Variants in TRPM3 observed in about 807,000 individuals in gnomAD.
The protein encoded by TRPM3 is long transient receptor potential channel 3.
A neutral mutation model predicts 181.2 loss-of-function variants in TRPM3; 77 were observed. The ratio of observed to expected loss-of-function variants is 0.42; its 90% CI spans 0.35 to 0.51. The LOEUF (loss-of-function observed/expected upper bound fraction) is 0.51, where lower values mean the gene tolerates loss of function less well. Ranked by LOEUF, TRPM3 falls within the 20% of genes least tolerant of loss-of-function variation. The pLI is 0.01. For synonymous variants in TRPM3, 745 were observed against 796.4 expected, an observed-to-expected ratio of 0.94 and a Z score of 1.09; for missense variants, 1,759 against 2,196.7, an observed-to-expected ratio of 0.80 and a Z score of 3.98.
intron 1 of TRPM3, among the ~76,000 whole-genome samples, chr9:70,915,472 T>TA (rs372107482): frequency 0.026 from 3,863 of 151,152 alleles, 174 homozygotes; most frequent in African/African-American, 0.088. Context: ...TAATTTTTTT[T>TA]TTTTTTTTAT....
chr9:71,128,395 C>T (rs2074180070), intron 1 of TRPM3, among the ~76,000 whole-genome samples: 1 of 152,142 alleles, frequency 6.6e-6, no homozygotes, highest in African/African-American at 2.4e-5. Context: ...AGCCTTGAAA[C>T]CCTAAAATTT....
intron 1 of TRPM3, chr9:70,868,937 C>G (rs893958310): frequency 1.0e-6 from 1 of 955,802 alleles, no homozygotes; most frequent in Non-Finnish European, 1.2e-6. Context: ...GTCCCCAGAT[C>G]CAATATTGAG....
At chr9:70,694,445 A>G (rs1297809625) in intron 8 of TRPM3, among the ~76,000 whole-genome samples, 1 of 152,112 alleles carries the variant, frequency 6.6e-6, no homozygotes, top group Non-Finnish European at 1.5e-5. Context: ...AACAACATCC[A>G]TAGGAAGAGA....
chr9:71,310,994 T>C (rs577642013), intron 1 of TRPM3, among the ~76,000 whole-genome samples: 2 of 152,278 alleles, frequency 1.3e-5, no homozygotes, highest in East Asian at 3.9e-4. Context: ...CAGTCTTAAA[T>C]AGAACTCCTA....
intron 17 of TRPM3, among the ~76,000 whole-genome samples, chr9:70,618,528 C>T (rs1414142263): frequency 6.6e-6 from 1 of 152,202 alleles, no homozygotes; most frequent in Non-Finnish European, 1.5e-5. Flanking sequence ...GACAAGGTGG[C>T]CTAGGTGGGG....
intron 9 of TRPM3, among the ~76,000 whole-genome samples, chr9:70,646,479 A>G (rs1022000957): frequency 3.9e-5 from 6 of 152,154 alleles, no homozygotes; most frequent in African/African-American, 1.4e-4. Flanking sequence ...GCAGAAAACC[A>G]AACACTGAAT....
chr9:70,894,201 C>T (rs1325234502), intron 1 of TRPM3, among the ~76,000 whole-genome samples: 1 of 152,154 alleles, frequency 6.6e-6, no homozygotes, highest in Non-Finnish European at 1.5e-5. Context: ...GATACAAATG[C>T]AGTGAATATG....
intron 9 of TRPM3, among the ~76,000 whole-genome samples, chr9:70,680,686 C>T (rs1347375675): frequency 1.3e-5 from 2 of 152,286 alleles, no homozygotes; most frequent in East Asian, 3.9e-4. Context: ...TAACTCAGAA[C>T]CACATTCAAC....
At chr9:70,739,546 G>T (rs1400724210) in intron 8 of TRPM3, among the ~76,000 whole-genome samples, 2 of 151,720 alleles carry the variant, frequency 1.3e-5, no homozygotes, top group Non-Finnish European at 2.9e-5. Flanking sequence ...AAAGTTGAAA[G>T]CATTCCCCTG....
intron 1 of TRPM3, among the ~76,000 whole-genome samples, chr9:71,413,276 C>T (rs2093588917): frequency 6.6e-6 from 1 of 151,908 alleles, no homozygotes; most frequent in African/African-American, 2.4e-5. Flanking sequence ...ATTTATAACT[C>T]ATATTTATTG....
chr9:71,277,534 A>AT (rs1292814602), intron 1 of TRPM3, among the ~76,000 whole-genome samples: 1 of 152,030 alleles, frequency 6.6e-6, no homozygotes, highest in African/African-American at 2.4e-5. Context: ...AAGGAGTCTA[A>AT]TTTTTTTTAA....
chr9:71,331,999 C>T (rs991351603), intron 1 of TRPM3, among the ~76,000 whole-genome samples: 1 of 148,476 alleles, frequency 6.7e-6, no homozygotes, highest in Non-Finnish European at 1.5e-5. Flanking sequence ...AAACTATTTA[C>T]ACAGGTTATT....
At chr9:70,933,618 A>G (rs1233868501) in intron 1 of TRPM3, among the ~76,000 whole-genome samples, 1 of 152,156 alleles carries the variant, frequency 6.6e-6, no homozygotes, top group Non-Finnish European at 1.5e-5. Flanking sequence ...GATGGCAAGA[A>G]CAGACAAGGA....
At chr9:71,120,857 C>A (rs988090916) in intron 1 of TRPM3, among the ~76,000 whole-genome samples, 1 of 152,116 alleles carries the variant, frequency 6.6e-6, no homozygotes, top group Non-Finnish European at 1.5e-5. Context: ...CTATTCCCAC[C>A]CTCCCAAAGA....
chr9:70,559,496 C>A (rs1468633466), intron 22 of TRPM3, among the ~76,000 whole-genome samples: 1 of 152,188 alleles, frequency 6.6e-6, no homozygotes, highest in Non-Finnish European at 1.5e-5. Context: ...TATAGAAAAT[C>A]TCCCTCTAGA....
chr9:70,849,190 G>C (rs1386045853), intron 3 of TRPM3, among the ~76,000 whole-genome samples: 3 of 152,126 alleles, frequency 2.0e-5, no homozygotes, highest in Non-Finnish European at 2.9e-5. Flanking sequence ...TGTTGCCTGG[G>C]CTGGAACACA....
intron 3 of TRPM3, among the ~76,000 whole-genome samples, chr9:70,857,232 T>A (rs539953164): frequency 9.2e-5 from 14 of 152,262 alleles, no homozygotes; most frequent in Admixed American, 8.5e-4. Context: ...TTTGGTAGGA[T>A]GTGGCTTGGT....
At chr9:71,445,697 C>T (rs2094194241) in intron 1 of TRPM3, among the ~76,000 whole-genome samples, 1 of 152,174 alleles carries the variant, frequency 6.6e-6, no homozygotes, top group South Asian at 2.1e-4. Context: ...GGGATCAATG[C>T]TTATGTACCA....
intron 1 of TRPM3, among the ~76,000 whole-genome samples, chr9:71,087,020 G>A (rs2065387987): frequency 6.6e-6 from 1 of 151,884 alleles, no homozygotes; most frequent in Middle Eastern, 3.2e-3. Flanking sequence ...GATCTCAATA[G>A]CCATTGACTC....
Sources: allele counts gnomAD v4.1 joint callset (sites outside exome capture counted in the v4.1 genomes callset), GRCh38; gene constraint gnomAD v4.1.1; transcripts MANE v1.5; gene names NCBI Gene and HGNC (gene_info 2026-07-23, HGNC 2026-07-21).